The following SYNRG variants were observed in gnomAD, a reference collection of about 807,000 sequenced individuals.
SYNRG encodes AP1 gamma subunit binding protein 1.
SYNRG carries 37 observed loss-of-function variants against 130.9 expected under a neutral mutation model. That is an observed-to-expected ratio of 0.28 (90% CI 0.22 to 0.37). The LOEUF is 0.37. SYNRG is among the 10% of genes least tolerant of loss of function. The pLI is 1.00. For synonymous variants in SYNRG, 539 were observed against 568.1 expected (o/e 0.95, Z 0.73); for missense variants, 1,338 against 1,588.9 (o/e 0.84, Z 2.68).
At chr17:37,547,525 C>A (rs560773913) in intron 14 of SYNRG, among the ~76,000 whole-genome samples, 1 of 150,838 alleles carries the variant, frequency 6.6e-6, no homozygotes, top group Non-Finnish European at 1.5e-5. Flanking sequence ...GTGAGTGGCA[C>A]AATCTCAGCT....
rs1231200650 is a variant in SYNRG, at chr17:37,515,290, G to GTAACT, written c.*3645_*3649dup. On this transcript the variant is annotated 3_prime_UTR_variant, in exon 22 of 22. Transcript: ENST00000612223. ...CACACTTACCTGAAGAAATAAGTAAGTAACTTAAACATAAAAAACATAGTC... is the reference window on the plus strand; with the variant it reads ...CACACTTACCTGAAGAAATAAGTAAGTAACTTAACTTAAACATAAAAAACATAGTC... 6.6e-6 allele frequency: 1 copy of GTAACT among 152,120 alleles called. No individual in the cohort carries two copies. Among genetic ancestry groups the GTAACT allele is most frequent in the African/African-American group, 2.4e-5 (1 of 41,412 alleles). The allele number at this position is 152,120 out of a possible 1,614,324, so 9.4% of individuals were successfully genotyped here.
chr17:37,534,036 G>A (rs980945212), intron 19 of SYNRG, among the ~76,000 whole-genome samples: 1 of 135,046 alleles, frequency 7.4e-6, no homozygotes, highest in African/African-American at 2.8e-5. Flanking sequence ...CCGGGTTCAA[G>A]CAATTCTCCT....
rs149867148 is a variant in SYNRG at position 37,577,602 on chromosome 17, C to G, written c.601G>C (p.Glu201Gln). 4 of 1,613,804 alleles carry G rather than the reference C, an allele frequency of 2.5e-6. No homozygotes were observed. The African/African-American group carries it at 5.3e-5, about 22-fold the overall frequency. ...SHPKKPGPSL[E>Q]EKFLVSCDIS... ...TCACAAGATACTAGGAACTTCTCCT[C>G]CAAGGAAGGGCCTAAACAAAGAGCA... The change falls in exon 7 of 22, where the codon GAG (glutamate) becomes CAG (glutamine). Residue 201 changes from glutamate to glutamine, a missense_variant. Around this residue, in one of 3 missense-constraint regions of SYNRG, gnomAD observed 1,146 missense variants for 1,342.3 expected, o/e 0.85. Coordinates refer to ENST00000612223, the MANE Select transcript of SYNRG (RefSeq NM_007247.6).
intron 19 of SYNRG, among the ~76,000 whole-genome samples, chr17:37,535,070 G>A (rs1323994684): frequency 1.3e-5 from 2 of 151,934 alleles, no homozygotes; most frequent in African/African-American, 2.4e-5. Flanking sequence ...AATAGAGGAG[G>A]AAAATAGCTG....
chr17:37,522,098 C>T (rs1035496083), intron 19 of SYNRG, among the ~76,000 whole-genome samples: 1 of 139,710 alleles, frequency 7.2e-6, no homozygotes, highest in Admixed American at 7.6e-5. Flanking sequence ...CTTTCAAGCA[C>T]TATACTAAGC....
At chr17:37,574,782 G>A (rs1012743645) in intron 8 of SYNRG, among the ~76,000 whole-genome samples, 3 of 152,042 alleles carry the variant, frequency 2.0e-5, no homozygotes, top group Non-Finnish European at 4.4e-5. Flanking sequence ...GGAGAAAAGG[G>A]AACCCAAGTA....
chr17:37,571,544 T>C (rs1367252398), intron 9 of SYNRG, among the ~76,000 whole-genome samples: 1 of 152,182 alleles, frequency 6.6e-6, no homozygotes, highest in East Asian at 1.9e-4. Context: ...ATCTCGCCAC[T>C]GCACTCCAGC....
chr17:37,541,879 C>G (rs553026656), intron 15 of SYNRG, 93 bp downstream of exon 15: 2 of 1,202,280 alleles, frequency 1.7e-6, no homozygotes, highest in African/African-American at 1.5e-5. Flanking sequence ...CTATTTCCTG[C>G]GAAACCAGAG....
intron 1 of SYNRG, among the ~76,000 whole-genome samples, chr17:37,608,890 T>G (rs561300753): frequency 6.6e-6 from 1 of 152,022 alleles, no homozygotes; most frequent in South Asian, 2.1e-4. Flanking sequence ...CTCCAACATA[T>G]CCGGTTAAGT....
chr17:37,594,178 AATATTAATTATTTTAATTATATTAATT>A (rs2062480089), intron 3 of SYNRG, among the ~76,000 whole-genome samples: 2 of 91,770 alleles, frequency 2.2e-5, no homozygotes, highest in Admixed American at 1.3e-4. Flanking sequence ...TATTAATTAC[AATATTAATTATTTTAATTATATTAATT>A]ACAATATTAA....
Position 37,518,657 on chromosome 17 carries a change from G to C in SYNRG, c.*283C>G, listed in dbSNP as rs370420723. The C allele has an allele frequency of 1.3e-4, 47 of 373,234 alleles. No homozygotes were observed. The highest frequency in any genetic ancestry group is 8.5e-4 in the East Asian group (20 of 23,580). 23.1% of individuals were successfully genotyped at this position (373,234 alleles called of 1,614,324 possible). A position where few individuals can be genotyped will look rare whatever the true frequency, so the allele number is the denominator to read the frequency against. Reference sequence around the variant, plus strand: ...TCTTCACAGTTTCAATACTGCAGCAGCAAGTTCTTCCTTAGATCAAGAAAG... The same window carrying C: ...TCTTCACAGTTTCAATACTGCAGCACCAAGTTCTTCCTTAGATCAAGAAAG... On this transcript the variant is annotated 3_prime_UTR_variant, in exon 22 of 22. Coordinates refer to ENST00000612223, the MANE Select transcript of SYNRG (RefSeq NM_007247.6).
intron 18 of SYNRG, 152 bp downstream of exon 18, chr17:37,538,172 T>C: frequency 1.8e-6 from 1 of 553,546 alleles, no homozygotes; most frequent in East Asian, 3.1e-5. Flanking sequence ...AATAGTTTAC[T>C]GCCTGTAGCT....
chr17:37,577,844 G>A (rs940456279), intron 6 of SYNRG, among the ~76,000 whole-genome samples: 22 of 116,580 alleles, frequency 1.9e-4, no homozygotes, highest in Admixed American at 4.8e-4. Flanking sequence ...GATTATAGGC[G>A]CCCGCCACCA....
rs573167267 is a variant in SYNRG, at chr17:37,556,499, A to G, written c.1664-2440T>C. 2.9e-4 allele frequency among the ~76,000 whole-genome samples: 44 copies of G among 151,584 alleles called. No homozygotes were observed. The East Asian group carries it at 8.5e-3, about 29-fold the overall frequency. On this transcript the variant is annotated intron_variant, in intron 13 of 21. Coordinates refer to ENST00000612223, the MANE Select transcript of SYNRG (RefSeq NM_007247.6). ...AAAAATAAAAATAAATTTAAAAAAT[A>G]AAATATACTGTGCTTGTAACAAGAT...
rs911858826 is a variant in SYNRG at position 37,518,264 on chromosome 17, T to A, written c.*676A>T. On this transcript the variant is annotated 3_prime_UTR_variant, in exon 22 of 22. Coordinates refer to ENST00000612223, the MANE Select transcript of SYNRG (RefSeq NM_007247.6). The stretch of plus-strand genomic sequence containing the variant: ...CTAATACACAGGATTTGGGCCTCTG[T>A]CAAAATGAGCATTCTTCACGGCTGC... 1.1e-4 allele frequency: 17 copies of A among 152,224 alleles called. No homozygotes were observed. The highest frequency in any genetic ancestry group is 4.1e-4 in the African/African-American group (17 of 41,454). 9.4% of individuals were successfully genotyped at this position (152,224 alleles called of 1,614,324 possible). A position where few individuals can be genotyped will look rare whatever the true frequency, so the allele number is the denominator to read the frequency against.
At chr17:37,530,996 C>T (rs1441193766) in intron 19 of SYNRG, among the ~76,000 whole-genome samples, 3 of 152,148 alleles carry the variant, frequency 2.0e-5, no homozygotes, top group Non-Finnish European at 4.4e-5. Flanking sequence ...CACCTGTAAT[C>T]CCAGCCCTTT....
intron 15 of SYNRG, chr17:37,540,909 C>G: frequency 9.9e-7 from 1 of 1,008,082 alleles, no homozygotes; most frequent in South Asian, 4.4e-5. Flanking sequence ...GTTGAGATTA[C>G]AGGTGTGAGC....
intron 17 of SYNRG, among the ~76,000 whole-genome samples, 169 bp from the exon 18 acceptor site, chr17:37,538,589 CTTTTG>C (rs973991480): frequency 7.9e-5 from 12 of 152,158 alleles, no homozygotes; most frequent in African/African-American, 2.2e-4. Context: ...TGTTTTTTTC[CTTTTG>C]TTTTGTTTTG....
intron 19 of SYNRG, 56 bp from the exon 20 acceptor site, chr17:37,520,704 C>T: frequency 2.1e-6 from 3 of 1,425,162 alleles, no homozygotes; most frequent in African/African-American, 1.4e-5. Flanking sequence ...ACGCTGTTCA[C>T]TTCACTCCCT....
Sources: gnomAD v4.1 joint callset for allele counts (sites outside exome capture counted in the v4.1 genomes callset) on GRCh38, gnomAD v4.1.1 for gene constraint, gnomAD v4.1.1 regional missense constraint, MANE v1.5 for transcripts, NCBI Gene and HGNC (gene_info 2026-07-23, HGNC 2026-07-21) for gene names.